SPTB: variants seen among roughly 807,000 people sequenced by gnomAD.
The protein encoded by SPTB is spectrin beta chain, erythrocytic.
A neutral mutation model predicts 256.2 loss-of-function variants in SPTB; 45 were observed. The ratio of observed to expected loss-of-function variants is 0.18; its 90% CI spans 0.14 to 0.23. SPTB has a LOEUF of 0.23. Among genes scored for constraint, SPTB ranks in the 10% least tolerant of loss-of-function variants. The pLI is 1.00. For synonymous variants in SPTB, 1,231 were observed against 1,243.1 expected (o/e 0.99, Z 0.21); for missense variants, 2,715 against 3,040.4 (o/e 0.89, Z 2.52).
rs767940331 is a variant in SPTB at position 64,775,227 on chromosome 14, C to T, written c.4740G>A (p.Leu1580=). 3 of 1,613,692 alleles carry T rather than the reference C, an allele frequency of 1.9e-6. No homozygotes were observed. ...REAAAGRLQR[L]RDANEAQQYY... is the part of the protein sequence containing the mutation. ...ACTGCTGTGCCTCGTTGGCGTCCCTCAGTCGCTGCAGCCTCCCGGCCGCTG... is the reference window on the plus strand; with the variant it reads ...ACTGCTGTGCCTCGTTGGCGTCCCTTAGTCGCTGCAGCCTCCCGGCCGCTG... Residue 1580 remains leucine, a synonymous_variant, in exon 23 of 36, where the codon CTG becomes CTA. Coordinates refer to ENST00000644917, the MANE Select transcript of SPTB (RefSeq NM_001355436.2). The surrounding 1 kb of genome is among the most constrained non-coding windows in gnomAD (Gnocchi z 5.0).
At chr14:64,832,723 C>G (rs936469007) in intron 1 of SPTB, among the ~76,000 whole-genome samples, 1 of 152,138 alleles carries the variant, frequency 6.6e-6, no homozygotes, top group Non-Finnish European at 1.5e-5. Flanking sequence ...TCCCAGCGGC[C>G]CAAACCAAAA....
intron 2 of SPTB, among the ~76,000 whole-genome samples, chr14:64,818,066 C>A (rs908230049): frequency 6.6e-6 from 1 of 152,328 alleles, no homozygotes; most frequent in South Asian, 2.1e-4. Flanking sequence ...TACAAAGAGA[C>A]AATGCAGGAA....
intron 2 of SPTB, among the ~76,000 whole-genome samples, chr14:64,818,618 T>C (rs114581243): frequency 0.023 from 3,472 of 151,328 alleles, 135 homozygotes; most frequent in African/African-American, 0.079. Flanking sequence ...TCCTCTGGGG[T>C]GAGGAGAGGG....
chr14:64,779,092 C>G lies in SPTB; in HGVS notation c.4563+65G>C. The G allele has an allele frequency of 7.3e-7, 1 of 1,364,996 alleles. No homozygotes were observed. Among genetic ancestry groups the G allele is most frequent in the Non-Finnish European group, 1.0e-6 (1 of 970,072 alleles). The allele number at this position is 1,364,996 out of a possible 1,614,324, so 84.6% of individuals were successfully genotyped here. A position where few individuals can be genotyped will look rare whatever the true frequency, so the allele number is the denominator to read the frequency against. Reference sequence around the variant, plus strand: ...CTTCTGCAGGTCAGGGCTGGGCCTACCCCCGTGGGGCCAGGTGGGGGTGAG... The same window carrying G: ...CTTCTGCAGGTCAGGGCTGGGCCTAGCCCCGTGGGGCCAGGTGGGGGTGAG... On this transcript the variant is annotated intron_variant, in intron 22 of 35. Coordinates refer to ENST00000644917, the MANE Select transcript of SPTB (RefSeq NM_001355436.2). The surrounding 1 kb of genome is among the most constrained non-coding windows in gnomAD (Gnocchi z 4.2).
rs2269300 is a variant in SPTB, at chr14:64,796,060, C to T, written c.1342-421G>A. Among the ~76,000 whole-genome samples the T allele has an allele frequency of 0.044, 6,701 of 152,246 alleles. 545 individuals carry two copies. The highest frequency in any genetic ancestry group is 0.37 in the East Asian group (1,909 of 5,142). On this transcript the variant is annotated intron_variant, in intron 11 of 35. Transcript: ENST00000644917. The surrounding 1 kb of genome is among the most constrained non-coding windows in gnomAD (Gnocchi z 4.1). ...TGGGGTGCGCATACACTCTCCAGTG[C>T]TCTCAGAATACTTGTTGCCCCCTTT...
intron 1 of SPTB, among the ~76,000 whole-genome samples, chr14:64,832,586 G>A (rs141085235): frequency 5.3e-5 from 8 of 152,144 alleles, no homozygotes; most frequent in Admixed American, 2.6e-4. Context: ...TGAACCCATC[G>A]TGTCCAACTG....
chr14:64,754,527 G>A (rs2081995577), intron 32 of SPTB: 2 of 155,950 alleles, frequency 1.3e-5, no homozygotes, highest in Admixed American at 1.2e-4. Flanking sequence ...ACTGGCCCCG[G>A]GGGTCGGCAC....
At chr14:64,875,875 T>C (rs1175327606) in intron 1 of SPTB, among the ~76,000 whole-genome samples, 1 of 152,272 alleles carries the variant, frequency 6.6e-6, no homozygotes, top group South Asian at 2.1e-4. Context: ...CCCAAGTTCA[T>C]TGATAAATGT....
At chr14:64,761,599 C>T (rs1222482724) in intron 32 of SPTB, among the ~76,000 whole-genome samples, 1 of 152,078 alleles carries the variant, frequency 6.6e-6, no homozygotes, top group Non-Finnish European at 1.5e-5. Flanking sequence ...CAGAAGGGCA[C>T]CTGGTAAAGT....
At chr14:64,833,396 C>T (rs1211748251) in intron 1 of SPTB, among the ~76,000 whole-genome samples, 2 of 151,946 alleles carry the variant, frequency 1.3e-5, no homozygotes, top group Non-Finnish European at 2.9e-5. Flanking sequence ...ACTAAAAATA[C>T]AAAAATTAGC....
At chr14:64,812,229 G>A (rs564964545) in intron 2 of SPTB, among the ~76,000 whole-genome samples, 72 of 152,210 alleles carry the variant, frequency 4.7e-4, no homozygotes, top group Non-Finnish European at 8.5e-4. Flanking sequence ...GATTACAGGC[G>A]TGAGCCAACG....
At chr14:64,818,792 G>GA (rs1261083040) in intron 2 of SPTB, among the ~76,000 whole-genome samples, 1 of 152,176 alleles carries the variant, frequency 6.6e-6, no homozygotes, top group African/African-American at 2.4e-5. Flanking sequence ...GAGATGGGGG[G>GA]AGCCTTTCTA....
At chr14:64,821,068 G>A (rs879539150) in intron 2 of SPTB, among the ~76,000 whole-genome samples, 2 of 152,090 alleles carry the variant, frequency 1.3e-5, no homozygotes, top group Non-Finnish European at 1.5e-5. Flanking sequence ...GGAGAAACCC[G>A]GGGCCCTTCT....
chr14:64,771,144 A>G lies in SPTB; in HGVS notation c.5554-15T>C. 1 of 1,613,010 alleles carries G rather than the reference A, an allele frequency of 6.2e-7. No homozygotes were observed. Among genetic ancestry groups the G allele is most frequent in the South Asian group, 1.1e-5 (1 of 91,084 alleles). The stretch of plus-strand genomic sequence containing the variant: ...AACTGCTGCACCTGTGGTCAGGCAA[A>G]ATCAGACATTGTTCCCTGGACATTG... On this transcript the variant is annotated splice_polypyrimidine_tract_variant and intron_variant, in intron 26 of 35. Transcript: ENST00000644917.
chr14:64,801,632 A>C, intron 6 of SPTB, 122 bp downstream of exon 6: 1 of 1,078,496 alleles, frequency 9.3e-7, no homozygotes, highest in South Asian at 1.2e-5. Context: ...GGGCTGCTGA[A>C]GGGGAGAGGA....
chr14:64,766,021 ATATG>A (rs1306974581), intron 32 of SPTB, among the ~76,000 whole-genome samples: 8 of 134,800 alleles, frequency 5.9e-5, no homozygotes, highest in African/African-American at 2.1e-4. Flanking sequence ...TTGTGTGTGC[ATATG>A]TGTGTATGTG....
rs1273281817 is a variant in SPTB at position 64,777,656 on chromosome 14, C to G, written c.4563+1501G>C. Among the ~76,000 whole-genome samples, 2 of 152,164 alleles carry G rather than the reference C, an allele frequency of 1.3e-5. No homozygotes were observed. Among genetic ancestry groups the G allele is most frequent in the African/African-American group, 4.8e-5 (2 of 41,428 alleles). On this transcript the variant is annotated intron_variant, in intron 22 of 35. Coordinates refer to ENST00000644917, the MANE Select transcript of SPTB (RefSeq NM_001355436.2). The surrounding 1 kb of genome is among the most constrained non-coding windows in gnomAD (Gnocchi z 4.5). ...CCCCAGAGCTTGATGCAGTAGGGAT[C>G]TGGGGGTGGCACCTGGTTAAGTCGT...
rs1411514208 is a variant in SPTB, at chr14:64,749,579, C to T, written c.6819+75G>A. 12 of 1,607,922 alleles carry T rather than the reference C, an allele frequency of 7.5e-6. No individual in the cohort carries two copies. The highest frequency in any genetic ancestry group is 9.3e-6 in the Non-Finnish European group (11 of 1,179,186). ...TTGGGACTGCCCCTTCTGAGGGGGCCTCCAGGGCAAGCGGCCTGGGGTCCT... is the reference window on the plus strand; with the variant it reads ...TTGGGACTGCCCCTTCTGAGGGGGCTTCCAGGGCAAGCGGCCTGGGGTCCT... On this transcript the variant is annotated intron_variant, in intron 35 of 35. Transcript: ENST00000644917. The surrounding 1 kb of genome is among the most constrained non-coding windows in gnomAD (Gnocchi z 4.7).
In SPTB at chr14:64,866,693, C is replaced by T. The variant is rs1362158029; in HGVS notation, c.-52+13099G>A. On this transcript the variant is annotated intron_variant, in intron 1 of 35. Transcript: ENST00000644917. The surrounding 1 kb of genome is among the most constrained non-coding windows in gnomAD (Gnocchi z 4.6). The stretch of plus-strand genomic sequence containing the variant: ...GCAAGCAGAATTCGGGTGAGTCCAG[C>T]CGTTGGTGAGGCTCACTTTTTGTCC... Among the ~76,000 whole-genome samples the T allele has an allele frequency of 2.0e-5, 3 of 152,040 alleles. No individual in the cohort carries two copies. The highest frequency in any genetic ancestry group is 3.9e-4 in the East Asian group (2 of 5,186).
Sources: allele counts gnomAD v4.1 joint callset (sites outside exome capture counted in the v4.1 genomes callset), GRCh38; gene constraint gnomAD v4.1.1; non-coding constraint Gnocchi (gnomAD v3.1); transcripts MANE v1.5; gene names NCBI Gene and HGNC (gene_info 2026-07-23, HGNC 2026-07-21).